The following SNAP47 variants were observed in gnomAD, a reference collection of about 807,000 sequenced individuals.
SNAP47 encodes the protein synaptosome associated protein 47, also known as synaptosomal-associated protein 47.
Under a neutral mutation model 31.4 loss-of-function variants are expected in SNAP47, and 20 were observed. The ratio of observed to expected loss-of-function variants is 0.64; its 90% CI spans 0.45 to 0.93. The LOEUF (loss-of-function observed/expected upper bound fraction) is 0.93, where lower values mean the gene tolerates loss of function less well. SNAP47 is among the 40% of genes least tolerant of loss of function. SNAP47 has a pLI of 0.00. For synonymous variants in SNAP47, 194 were observed against 213.4 expected (o/e 0.91, Z 0.79); for missense variants, 492 against 528.5 (o/e 0.93, Z 0.68).
chr1:227,754,274 T>C (rs556532402), intron 2 of SNAP47, among the ~76,000 whole-genome samples: 2 of 152,214 alleles, frequency 1.3e-5, no homozygotes, highest in Non-Finnish European at 2.9e-5. Flanking sequence ...CCAGCTGCCC[T>C]TGTGTCCCTT....
upstream of SNAP47, chr1:227,733,472 T>C: frequency 6.3e-7 from 1 of 1,593,302 alleles, no homozygotes; most frequent in Non-Finnish European, 8.5e-7. Context: ...GCCCGCTTCC[T>C]GCGTGATCTC....
At chr1:227,777,760 C>T (rs918087633) in intron 4 of SNAP47, among the ~76,000 whole-genome samples, 3 of 152,172 alleles carry the variant, frequency 2.0e-5, no homozygotes, top group African/African-American at 7.2e-5. Context: ...AAAGACACTC[C>T]AGTCAGAGAG....
At chr1:227,750,632 G>T (rs1440483584) in intron 2 of SNAP47, among the ~76,000 whole-genome samples, 1 of 152,162 alleles carries the variant, frequency 6.6e-6, no homozygotes, top group African/African-American at 2.4e-5. Flanking sequence ...GCTGCTGAGG[G>T]GTGTCCCTGG....
chr1:227,756,521 C>T (rs1011897764), intron 2 of SNAP47, among the ~76,000 whole-genome samples: 1 of 152,238 alleles, frequency 6.6e-6, no homozygotes, highest in Admixed American at 6.5e-5. Context: ...TTTCTGGACC[C>T]GGCCCCGGCC....
intron 3 of SNAP47, among the ~76,000 whole-genome samples, chr1:227,765,958 G>T (rs1449833680): frequency 6.6e-6 from 1 of 152,202 alleles, no homozygotes; most frequent in Non-Finnish European, 1.5e-5. Flanking sequence ...TGGAAGGTGA[G>T]CTTGTCAAGA....
chr1:227,734,486 T>C, upstream of SNAP47: 1 of 610,132 alleles, frequency 1.6e-6, no homozygotes, highest in Non-Finnish European at 2.8e-6. Flanking sequence ...AGAACAACAC[T>C]TGCAGCCATG....
Position 227,748,231 on chromosome 1 carries a change from C to T in SNAP47, c.495C>T (p.Asp165=). Residue 165 remains aspartate, a splice_region_variant and synonymous_variant, in exon 2 of 5, where the codon GAC becomes GAT. Coordinates refer to ENST00000617596, the MANE Select transcript of SNAP47 (RefSeq NM_053052.4). Reference sequence around the variant, plus strand: ...TGGAGTCAGACCTGGAGGTGGCGGACAGGTGGGCTTGCTGTGTACACTTTG... The same window carrying T: ...TGGAGTCAGACCTGGAGGTGGCGGATAGGTGGGCTTGCTGTGTACACTTTG... ...DKMESDLEVA[D]RLLTELESPA... The T allele has an allele frequency of 6.3e-7, 1 of 1,575,484 alleles. No individual in the cohort carries two copies. The highest frequency in any genetic ancestry group is 1.2e-5 in the South Asian group (1 of 84,468).
upstream of SNAP47, chr1:227,735,351 G>A (rs1185811546): frequency 1.3e-6 from 2 of 1,595,166 alleles, no homozygotes; most frequent in East Asian, 2.3e-5. Flanking sequence ...CTCGGAACCA[G>A]AAGACGCAGG....
At chr1:227,734,719 T>C, upstream of SNAP47, 2 of 1,614,156 alleles carry the variant, frequency 1.2e-6, no homozygotes, top group Non-Finnish European at 1.7e-6. Flanking sequence ...GTATGTACTC[T>C]TTCCAGTAGG....
chr1:227,734,543 G>C (rs1660931112), upstream of SNAP47: 4 of 1,013,124 alleles, frequency 3.9e-6, no homozygotes, highest in South Asian at 4.6e-5. Context: ...TGCCTCACGG[G>C]GAAAAATAGC....
intron 1 of SNAP47, among the ~76,000 whole-genome samples, chr1:227,738,384 A>G (rs1661373781): frequency 1.3e-5 from 2 of 149,372 alleles, no homozygotes; most frequent in Non-Finnish European, 3.0e-5. Flanking sequence ...CGGCTTTTCT[A>G]CATTCCTTCA....
chr1:227,760,296 C>T (rs889288859), intron 3 of SNAP47, among the ~76,000 whole-genome samples: 7 of 152,212 alleles, frequency 4.6e-5, no homozygotes, highest in Non-Finnish European at 8.8e-5. Flanking sequence ...GGGCCATTCC[C>T]ATCACCCCTA....
chr1:227,747,732 A>G lies in SNAP47; in HGVS notation c.-5A>G. ...GGACCTTGGCGCACACAGACCCAGGAACAGATGAGCAGGGATGTCTGCATC... is the reference window on the plus strand; with the variant it reads ...GGACCTTGGCGCACACAGACCCAGGGACAGATGAGCAGGGATGTCTGCATC... On this transcript the variant is annotated 5_prime_UTR_variant, in exon 2 of 5. Transcript: ENST00000617596. The G allele has an allele frequency of 2.5e-6, 4 of 1,612,824 alleles. No individual in the cohort carries two copies. The highest frequency in any genetic ancestry group is 3.4e-6 in the Non-Finnish European group (4 of 1,179,044).
Position 227,747,972 on chromosome 1 carries a change from G to C in SNAP47, c.236G>C (p.Trp79Ser). The change falls in exon 2 of 5, where the codon TGG becomes TCG. Residue 79 changes from tryptophan (W) to serine (S), a missense_variant. Coordinates refer to ENST00000617596, the MANE Select transcript of SNAP47 (RefSeq NM_053052.4). ...TILEKGHAKH[W>S]FSSLRPSRNV... ...CTGGAGAAGGGCCATGCCAAGCACT[G>C]GTTCAGCTCCCTGCGGCCAAGTCGA... 6.2e-7 allele frequency: 1 copy of C among 1,614,200 alleles called. No individual in the cohort carries two copies. Among genetic ancestry groups the C allele is most frequent in the Non-Finnish European group, 8.5e-7 (1 of 1,180,034 alleles).
chr1:227,729,984 G>A (rs1437542549), intron 1 of SNAP47, among the ~76,000 whole-genome samples: 1 of 152,196 alleles, frequency 6.6e-6, no homozygotes, highest in Non-Finnish European at 1.5e-5. Flanking sequence ...GCATGGTGGG[G>A]TGCACAGCCA....
intron 2 of SNAP47, among the ~76,000 whole-genome samples, chr1:227,754,021 G>C (rs367728723): frequency 1.0e-3 from 155 of 152,328 alleles, no homozygotes; most frequent in African/African-American, 3.6e-3. Flanking sequence ...TGTATCCTGG[G>C]ATTCTTGCCT....
chr1:227,748,991 C>G (rs1662166598), intron 2 of SNAP47, among the ~76,000 whole-genome samples: 3 of 152,116 alleles, frequency 2.0e-5, no homozygotes, highest in Admixed American at 6.5e-5. Context: ...TTTAGTGTTG[C>G]TATTCTAGTG....
intron 4 of SNAP47, chr1:227,776,261 G>T (rs1664153417): frequency 9.7e-7 from 1 of 1,033,360 alleles, no homozygotes; most frequent in South Asian, 3.7e-5. Flanking sequence ...TCGCAGGCAT[G>T]CCCCAGGGCC....
rs1663094067 is a variant in SNAP47 at position 227,762,004 on chromosome 1, AG to A, written c.988+2522del. Among the ~76,000 whole-genome samples, 1 of 152,130 alleles carries A rather than the reference AG, an allele frequency of 6.6e-6. No homozygotes were observed. The highest frequency in any genetic ancestry group is 6.5e-5 in the Admixed American group (1 of 15,278). ...GCGTCACCCTCCCTGCTCGGCTAGG[AG>A]GGCCCCCTTAGTTCAGGTCACCTGA... is the stretch of plus-strand genomic sequence containing the variant. On this transcript the variant is annotated intron_variant, in intron 3 of 4. Transcript: ENST00000617596. This position sits in a 1 kb window ranked among gnomAD's most constrained non-coding sequence, Gnocchi z 4.2.
Sources: gnomAD v4.1 joint callset for allele counts (sites outside exome capture counted in the v4.1 genomes callset) on GRCh38, gnomAD v4.1.1 for gene constraint, Gnocchi (gnomAD v3.1) non-coding constraint, MANE v1.5 for transcripts, NCBI Gene and HGNC (gene_info 2026-07-23, HGNC 2026-07-21) for gene names.